SEMA5A: variants seen among roughly 807,000 people sequenced by gnomAD.
SEMA5A encodes semaphorin 5A.
SEMA5A carries 55 observed loss-of-function variants against 135.5 expected under a neutral mutation model. The observed-to-expected ratio is 0.41, with a 90% CI of 0.33 to 0.51. The LOEUF (loss-of-function observed/expected upper bound fraction) is 0.51. Among genes scored for constraint, SEMA5A ranks in the 20% least tolerant of loss-of-function variants. The pLI, the probability that SEMA5A is intolerant of heterozygous loss-of-function variation, is 0.37. For synonymous variants in SEMA5A, 580 were observed against 546.5 expected (o/e 1.06, Z -0.85); for missense variants, 1,290 against 1,419.9 (o/e 0.91, Z 1.47).
Position 9,049,029 on chromosome 5 carries a change from C to T in SEMA5A, c.2893+1381G>A, listed in dbSNP as rs529280683. ...GGGTGCCCATCCTAAGCTCAATGGCCTTCACAAAACTGACACAGAGCAGGT... is the reference window on the plus strand; with the variant it reads ...GGGTGCCCATCCTAAGCTCAATGGCTTTCACAAAACTGACACAGAGCAGGT... On this transcript the variant is annotated intron_variant, in intron 21 of 22. Coordinates refer to ENST00000382496, the MANE Select transcript of SEMA5A (RefSeq NM_003966.3). Among the ~76,000 whole-genome samples, 5 of 152,242 alleles carry T rather than the reference C, an allele frequency of 3.3e-5. No individual in the cohort carries two copies. The South Asian group carries it at 1.0e-3, about 32-fold the overall frequency.
chr5:9,455,945 G>A (rs1758817756), intron 1 of SEMA5A, among the ~76,000 whole-genome samples: 1 of 152,120 alleles, frequency 6.6e-6, no homozygotes, highest in Non-Finnish European at 1.5e-5. Context: ...AGTCAGCAGG[G>A]GACACATTAT....
chr5:9,295,315 C>A (rs1361185060), intron 5 of SEMA5A, among the ~76,000 whole-genome samples: 2 of 152,158 alleles, frequency 1.3e-5, no homozygotes, highest in Admixed American at 6.5e-5. Context: ...TCCTAACTGC[C>A]TTTTGTAATG....
intron 16 of SEMA5A, among the ~76,000 whole-genome samples, chr5:9,068,809 T>C (rs1737616452): frequency 6.6e-6 from 1 of 152,172 alleles, no homozygotes; most frequent in South Asian, 2.1e-4. Flanking sequence ...GTTTCTATGA[T>C]TAGATAGCAG....
chr5:9,200,829 C>T (rs1047296539), intron 9 of SEMA5A, among the ~76,000 whole-genome samples: 1 of 152,068 alleles, frequency 6.6e-6, no homozygotes, highest in Non-Finnish European at 1.5e-5. Flanking sequence ...GCATCTGATG[C>T]CCAAGAGATG....
intron 8 of SEMA5A, among the ~76,000 whole-genome samples, chr5:9,218,807 GA>G (rs1746773082): frequency 6.6e-6 from 1 of 152,220 alleles, no homozygotes; most frequent in Non-Finnish European, 1.5e-5. Context: ...TAAAGATGAG[GA>G]AAGAGGATGT....
intron 8 of SEMA5A, among the ~76,000 whole-genome samples, chr5:9,203,162 G>T (rs1806077): frequency 6.6e-6 from 1 of 152,038 alleles, no homozygotes; most frequent in Non-Finnish European, 1.5e-5. Flanking sequence ...CGTAATATTT[G>T]CTTTTAAAAC....
intron 13 of SEMA5A, among the ~76,000 whole-genome samples, chr5:9,125,365 T>C (rs565471452): frequency 3.0e-4 from 45 of 152,318 alleles, no homozygotes; most frequent in African/African-American, 9.4e-4. Context: ...CTGGGACATA[T>C]GTGCAAAATA....
rs189805321 is a variant in SEMA5A, at chr5:9,090,819, A to C, written c.2073+17321T>G. Reference sequence around the variant, plus strand: ...GCACAGGAAAGCCCCGGCATCACCAACTTCCTCTCACTTTGTGTTCACCAG... The same window carrying C: ...GCACAGGAAAGCCCCGGCATCACCACCTTCCTCTCACTTTGTGTTCACCAG... On this transcript the variant is annotated intron_variant, in intron 16 of 22. Transcript: ENST00000382496. 2.8e-4 allele frequency among the ~76,000 whole-genome samples: 42 copies of C among 152,254 alleles called. No homozygotes were observed. The East Asian group carries it at 7.0e-3, about 25-fold the overall frequency.
intron 11 of SEMA5A, among the ~76,000 whole-genome samples, chr5:9,179,064 T>G (rs979652894): frequency 1.3e-4 from 20 of 152,306 alleles, no homozygotes; most frequent in Admixed American, 1.1e-3. Flanking sequence ...ATCAAGATTA[T>G]GAAAAATCCT....
At chr5:9,247,476 T>C (rs184063494) in intron 5 of SEMA5A, among the ~76,000 whole-genome samples, 2 of 152,294 alleles carry the variant, frequency 1.3e-5, no homozygotes, top group East Asian at 3.9e-4. Flanking sequence ...TTACTTTCTC[T>C]AGAGTTCTGG....
At chr5:9,391,564 C>G (rs1756161883) in intron 2 of SEMA5A, among the ~76,000 whole-genome samples, 2 of 152,102 alleles carry the variant, frequency 1.3e-5, no homozygotes, top group South Asian at 4.1e-4. Flanking sequence ...TTTTGGATTG[C>G]TCTAATTCCC....
At chr5:9,206,038 ATT>A (rs1334688995) in intron 8 of SEMA5A, among the ~76,000 whole-genome samples, 1 of 152,204 alleles carries the variant, frequency 6.6e-6, no homozygotes, top group Non-Finnish European at 1.5e-5. Context: ...GATAAGATGA[ATT>A]TTGTTTTCCT....
At chr5:9,328,245 T>C (rs942364291) in intron 4 of SEMA5A, among the ~76,000 whole-genome samples, 4 of 152,190 alleles carry the variant, frequency 2.6e-5, no homozygotes, top group Non-Finnish European at 5.9e-5. Flanking sequence ...CCATCATCAC[T>C]GCCTAAGTCT....
intron 12 of SEMA5A, among the ~76,000 whole-genome samples, chr5:9,137,324 C>T (rs1304622261): frequency 6.6e-6 from 1 of 152,102 alleles, no homozygotes; most frequent in Admixed American, 6.6e-5. Context: ...TCTATAATAT[C>T]CTACATATGA....
intron 1 of SEMA5A, among the ~76,000 whole-genome samples, chr5:9,524,786 T>C (rs960504098): frequency 2.0e-5 from 3 of 152,202 alleles, no homozygotes; most frequent in African/African-American, 7.2e-5. Context: ...ATAAACACTT[T>C]TTTTGGGTGA....
At chr5:9,374,302 C>T (rs1429273728) in intron 3 of SEMA5A, among the ~76,000 whole-genome samples, 1 of 152,118 alleles carries the variant, frequency 6.6e-6, no homozygotes, top group African/African-American at 2.4e-5. Context: ...TCTGCCTAGC[C>T]AGGTAAATCA....
At chr5:9,151,887 C>T (rs1043278888) in intron 12 of SEMA5A, among the ~76,000 whole-genome samples, 1 of 152,214 alleles carries the variant, frequency 6.6e-6, no homozygotes, top group Admixed American at 6.5e-5. Flanking sequence ...AGTGAAGACA[C>T]ACCAGTGTCA....
intron 3 of SEMA5A, among the ~76,000 whole-genome samples, chr5:9,341,848 A>G (rs1753669220): frequency 6.6e-6 from 1 of 151,768 alleles, no homozygotes; most frequent in African/African-American, 2.4e-5. Flanking sequence ...TTTTATTGCA[A>G]AATTACATTC....
chr5:9,149,192 G>A (rs181522106), intron 12 of SEMA5A, among the ~76,000 whole-genome samples: 1 of 152,132 alleles, frequency 6.6e-6, no homozygotes, highest in African/African-American at 2.4e-5. Flanking sequence ...CATTCATTAT[G>A]GTCTATGGCT....
Sources: allele counts gnomAD v4.1 joint callset (sites outside exome capture counted in the v4.1 genomes callset), GRCh38; gene constraint gnomAD v4.1.1; transcripts MANE v1.5; gene names NCBI Gene and HGNC (gene_info 2026-07-23, HGNC 2026-07-21).